CCDC146: variants seen among roughly 807,000 people sequenced by gnomAD.
CCDC146 encodes the protein coiled-coil domain-containing protein 146.
Under a neutral mutation model 119.3 loss-of-function variants are expected in CCDC146, and 92 were observed. The ratio of observed to expected loss-of-function variants is 0.77; its 90% CI spans 0.65 to 0.92. The LOEUF is 0.92. Among genes scored for constraint, CCDC146 ranks in the 40% least tolerant of loss-of-function variants. The probability of loss-of-function intolerance (pLI) is 0.00; values close to 1 mark genes in which losing one functional copy is unlikely to be tolerated. For synonymous variants in CCDC146, 372 were observed against 371.8 expected, an observed-to-expected ratio of 1.00 and a Z score of -0.01; for missense variants, 1,000 against 1,103.0, an observed-to-expected ratio of 0.91 and a Z score of 1.32.
chr7:77,141,467 G>T (rs1297897031), intron 1 of CCDC146, among the ~76,000 whole-genome samples: 2 of 152,084 alleles, frequency 1.3e-5, no homozygotes, highest in Non-Finnish European at 2.9e-5. Context: ...TGGTATTTCT[G>T]GTTCTTGATC....
chr7:77,272,648 C>T (rs1175380502), intron 9 of CCDC146, among the ~76,000 whole-genome samples: 2 of 152,154 alleles, frequency 1.3e-5, no homozygotes, highest in African/African-American at 4.8e-5. Context: ...GCTGGAAGCA[C>T]CCCAAGATGA....
intron 2 of CCDC146, among the ~76,000 whole-genome samples, chr7:77,182,410 A>T (rs923743484): frequency 2.7e-4 from 41 of 152,174 alleles, no homozygotes; most frequent in Non-Finnish European, 1.5e-4. Flanking sequence ...ACTGCCTACC[A>T]TGATTGTTTT....
At chr7:77,193,525 C>T (rs1396043361) in intron 2 of CCDC146, 1 of 152,154 alleles carries the variant, frequency 6.6e-6, no homozygotes, top group African/African-American at 2.4e-5. Context: ...TGACATTACT[C>T]ATAACTTTTA....
chr7:77,157,858 G>T (rs930475740), intron 1 of CCDC146, among the ~76,000 whole-genome samples: 2 of 152,120 alleles, frequency 1.3e-5, no homozygotes, highest in African/African-American at 2.4e-5. Flanking sequence ...TGATTAACTT[G>T]TCTTGCTGCC....
At chr7:77,293,579 T>C (rs1346200527) in intron 18 of CCDC146, among the ~76,000 whole-genome samples, 1 of 152,240 alleles carries the variant, frequency 6.6e-6, no homozygotes. Flanking sequence ...GTTCATCTCC[T>C]GTGGCCTCCA....
intron 3 of CCDC146, among the ~76,000 whole-genome samples, chr7:77,241,010 T>G (rs1298058948): frequency 8.2e-5 from 12 of 145,762 alleles, no homozygotes; most frequent in Non-Finnish European, 3.0e-5. Flanking sequence ...TTTTTTGGGT[T>G]TTTTTTTTTT....
At chr7:77,159,240 A>C (rs1013372153) in intron 1 of CCDC146, among the ~76,000 whole-genome samples, 2 of 152,100 alleles carry the variant, frequency 1.3e-5, no homozygotes, top group Non-Finnish European at 2.9e-5. Flanking sequence ...TATGCTGTCT[A>C]GTAGATCTTC....
chr7:77,126,701 T>G (rs894484649), intron 1 of CCDC146, among the ~76,000 whole-genome samples: 4 of 152,080 alleles, frequency 2.6e-5, no homozygotes. Context: ...GGTCCTTGTG[T>G]AGTCTGTCTA....
At chr7:77,147,169 AT>A (rs1791034300) in intron 1 of CCDC146, among the ~76,000 whole-genome samples, 1 of 152,150 alleles carries the variant, frequency 6.6e-6, no homozygotes, top group African/African-American at 2.4e-5. Flanking sequence ...TTGATCTTCA[AT>A]CACTGATACC....
intron 2 of CCDC146, among the ~76,000 whole-genome samples, chr7:77,175,019 C>T (rs529057514): frequency 1.3e-5 from 2 of 151,782 alleles, no homozygotes; most frequent in East Asian, 2.0e-4. Context: ...AGGGTTAATA[C>T]AAGTGATAGC....
chr7:77,264,542 G>C (rs756368389), intron 9 of CCDC146, among the ~76,000 whole-genome samples: 1 of 152,114 alleles, frequency 6.6e-6, no homozygotes, highest in Non-Finnish European at 1.5e-5. Context: ...TTACAGGTGC[G>C]AGCCACCGCA....
chr7:77,193,966 A>G (rs1791819636), intron 2 of CCDC146: 2 of 152,694 alleles, frequency 1.3e-5, no homozygotes, highest in Admixed American at 6.5e-5. Flanking sequence ...AAAAGTCTAG[A>G]ATTATTGGTA....
chr7:77,275,292 G>T (rs1793612170), intron 11 of CCDC146, among the ~76,000 whole-genome samples: 1 of 152,084 alleles, frequency 6.6e-6, no homozygotes, highest in South Asian at 2.1e-4. Context: ...TATTCTCAAA[G>T]GGTCCTGGAA....
chr7:77,127,741 T>C (rs1039575410), intron 1 of CCDC146, among the ~76,000 whole-genome samples: 2 of 152,126 alleles, frequency 1.3e-5, no homozygotes, highest in Non-Finnish European at 2.9e-5. Flanking sequence ...CAGCGTTTCC[T>C]TGCTCTTTCT....
chr7:77,224,083 G>T (rs534428977), intron 2 of CCDC146, among the ~76,000 whole-genome samples: 2 of 152,256 alleles, frequency 1.3e-5, no homozygotes, highest in Admixed American at 1.3e-4. Context: ...AACATGGTAT[G>T]GTTTAGGAAC....
At chr7:77,289,614 G>T (rs529843195) in intron 17 of CCDC146, among the ~76,000 whole-genome samples, 12,241 of 152,212 alleles carry the variant, frequency 0.08, 682 homozygotes, top group Non-Finnish European at 0.11. Context: ...CAAAGTTGTT[G>T]CAAGTATTAC....
At chr7:77,212,408 T>C (rs1411158070) in intron 2 of CCDC146, among the ~76,000 whole-genome samples, 1 of 151,678 alleles carries the variant, frequency 6.6e-6, no homozygotes, top group Non-Finnish European at 1.5e-5. Context: ...GATCACGAGG[T>C]CAGGAGATCG....
intron 1 of CCDC146, among the ~76,000 whole-genome samples, chr7:77,160,500 G>A (rs1001686717): frequency 2.0e-5 from 3 of 152,086 alleles, no homozygotes; most frequent in Non-Finnish European, 2.9e-5. Flanking sequence ...TTGTAAGTTG[G>A]ATTCCTAGGT....
intron 1 of CCDC146, among the ~76,000 whole-genome samples, chr7:77,154,533 C>T (rs9718960): frequency 9.6e-5 from 14 of 146,014 alleles, no homozygotes; most frequent in South Asian, 2.2e-4. Flanking sequence ...TCAATTCCCA[C>T]CTATGAGTGA....
Sources: allele counts gnomAD v4.1 joint callset (sites outside exome capture counted in the v4.1 genomes callset), GRCh38; gene constraint gnomAD v4.1.1; transcripts MANE v1.5; gene names NCBI Gene and HGNC (gene_info 2026-07-23, HGNC 2026-07-21).